Variants in TDP2 observed in about 807,000 individuals in gnomAD.
TDP2 encodes 5'-Tyr-DNA phosphodiesterase.
A neutral mutation model predicts 42.8 loss-of-function variants in TDP2; 38 were observed. That is an observed-to-expected ratio of 0.89 (90% CI 0.68 to 1.16). The LOEUF (loss-of-function observed/expected upper bound fraction) is 1.16. Among genes scored for constraint, TDP2 ranks in the 50% most tolerant of loss-of-function variants. The pLI is 0.00. For missense variants in TDP2, 439 were observed against 439.3 expected (o/e 1.00, Z 0.01); for synonymous variants, 173 against 150.6 (o/e 1.15, Z -1.09).
chr6:24,666,417 C>G, intron 2 of TDP2, 109 bp downstream of exon 2: 5 of 1,443,442 alleles, frequency 3.5e-6, no homozygotes, highest in East Asian at 2.3e-5. Flanking sequence ...GCTTGGAGAT[C>G]TGCCTCAGCA....
At chr6:24,658,148 A>G (rs1778085950) in intron 3 of TDP2, among the ~76,000 whole-genome samples, 1 of 152,226 alleles carries the variant, frequency 6.6e-6, no homozygotes, top group South Asian at 2.1e-4. Flanking sequence ...CCATATTGAG[A>G]GACTTCAATG....
chr6:24,665,248 T>C (rs1295615136), intron 2 of TDP2, among the ~76,000 whole-genome samples: 2 of 152,224 alleles, frequency 1.3e-5, no homozygotes, highest in Non-Finnish European at 2.9e-5. Flanking sequence ...TAAGTTAACA[T>C]GTTACAGTTC....
chr6:24,666,623 A>G lies in TDP2; in HGVS notation c.166-12T>C, dbSNP rs1410321671. The G allele has an allele frequency of 5.6e-6, 9 of 1,614,102 alleles. No homozygotes were observed. The highest frequency in any genetic ancestry group is 7.6e-6 in the Non-Finnish European group (9 of 1,180,034). On this transcript the variant is annotated splice_polypyrimidine_tract_variant and intron_variant, in intron 1 of 6. Transcript: ENST00000378198. ...GAGTTCAGAGCCCTCTGAAAAACAA[A>G]GGCACAAGGGATGAGGTTTGTGCGC... is the stretch of plus-strand genomic sequence containing the variant.
intron 3 of TDP2, 40 bp from the exon 4 acceptor site, chr6:24,657,943 C>T: frequency 7.3e-7 from 1 of 1,361,892 alleles, no homozygotes; most frequent in Admixed American, 2.3e-5. Flanking sequence ...ACCAAGTATA[C>T]CATTTCATTT....
intron 2 of TDP2, among the ~76,000 whole-genome samples, chr6:24,662,740 C>T (rs993971111): frequency 2.0e-5 from 3 of 152,192 alleles, no homozygotes; most frequent in Admixed American, 6.5e-5. Flanking sequence ...CTCAGTCTCT[C>T]GTCCCACCTG....
In TDP2 at chr6:24,657,853, C is replaced by T. The variant is rs1778081214; in HGVS notation, c.476G>A (p.Ser159Asn). The T allele has an allele frequency of 6.3e-7, 1 of 1,584,992 alleles. No individual in the cohort carries two copies. The highest frequency in any genetic ancestry group is 1.8e-5 in the Admixed American group (1 of 54,078). ...FLQEVIPPYY[S>N]YLKKRSSNYE... is the part of the protein sequence containing the mutation. ...ATTACTTGATCTCTTCTTTAGGTAG[C>T]TATAATATGGGGGAATAACTTCCTG... is the stretch of plus-strand genomic sequence containing the variant. The change falls in exon 4 of 7, where the codon AGC (serine) becomes AAC (asparagine). Residue 159 changes from serine (S) to asparagine (N), a missense_variant. Transcript: ENST00000378198.
rs1260801050 is a variant in TDP2, at chr6:24,654,518, CCTT to C, written c.527_529del (p.Glu176del). 2 of 1,516,220 alleles carry C rather than the reference CCTT, an allele frequency of 1.3e-6. No individual in the cohort carries two copies. The highest frequency in any genetic ancestry group is 1.8e-6 in the Non-Finnish European group (2 of 1,101,502). The allele number at this position is 1,516,220 out of a possible 1,614,324, so 93.9% of individuals were successfully genotyped here. On this transcript the variant is annotated inframe_deletion, in exon 5 of 7. Coordinates refer to ENST00000378198, the MANE Select transcript of TDP2 (RefSeq NM_016614.3). Reference sequence around the variant, plus strand: ...CTTCAACATTATAGCTGTGAAATATCCTTCTTCATGACCTACAAATGTTTGTGG... The same window carrying C: ...CTTCAACATTATAGCTGTGAAATATCCTTCATGACCTACAAATGTTTGTGG...
chr6:24,658,900 A>G, intron 2 of TDP2, 166 bp from the exon 3 acceptor site: 1 of 668,136 alleles, frequency 1.5e-6, no homozygotes, highest in Non-Finnish European at 2.5e-6. Flanking sequence ...CTAGACAGAA[A>G]TATAATTGAG....
intron 4 of TDP2, 115 bp from the exon 5 acceptor site, chr6:24,654,645 G>A: frequency 1.6e-6 from 1 of 620,478 alleles, no homozygotes. Context: ...TATTTACATG[G>A]ATCTAAATCT....
In TDP2 at chr6:24,657,960, A is replaced by G. The variant is rs1350221877; in HGVS notation, c.426-57T>C. On this transcript the variant is annotated intron_variant, in intron 3 of 6. Transcript: ENST00000378198. ...CAAGTATACCATTTCATTTTCAGCTACCTAAATGAAGGAAATCCCACAACA... is the reference window on the plus strand; with the variant it reads ...CAAGTATACCATTTCATTTTCAGCTGCCTAAATGAAGGAAATCCCACAACA... 25 of 1,237,918 alleles carry G rather than the reference A, an allele frequency of 2.0e-5. No individual in the cohort carries two copies. In the Admixed American group the frequency reaches 4.6e-4, roughly 23 times the overall value. 76.7% of individuals were successfully genotyped at this position (1,237,918 alleles called of 1,614,324 possible).
intron 3 of TDP2, 150 bp downstream of exon 3, chr6:24,658,411 G>T: frequency 1.7e-6 from 1 of 586,898 alleles, no homozygotes; most frequent in Non-Finnish European, 2.7e-6. Context: ...CTGCAATCCT[G>T]CTCTCAGAGG....
At chr6:24,659,413 GGT>G (rs1383751948) in intron 2 of TDP2, among the ~76,000 whole-genome samples, 4 of 152,264 alleles carry the variant, frequency 2.6e-5, no homozygotes, top group East Asian at 1.9e-4. Flanking sequence ...ACTTCCTGAG[GGT>G]GTGTCATGGG....
intron 2 of TDP2, among the ~76,000 whole-genome samples, chr6:24,662,187 T>A (rs1036654327): frequency 2.6e-5 from 4 of 151,838 alleles, no homozygotes; most frequent in Non-Finnish European, 4.4e-5. Context: ...CCTGAGATAA[T>A]GGCCTCATGA....
intron 2 of TDP2, 145 bp downstream of exon 2, chr6:24,666,381 G>C (rs926857927): frequency 2.2e-5 from 31 of 1,401,966 alleles, no homozygotes; most frequent in Non-Finnish European, 3.1e-5. Context: ...CAGCAGCAAC[G>C]CAAGCCCTGC....
chr6:24,665,733 G>GT (rs1562151370), intron 2 of TDP2, among the ~76,000 whole-genome samples: 1 of 152,160 alleles, frequency 6.6e-6, no homozygotes, highest in African/African-American at 2.4e-5. Context: ...CTAAGGTATT[G>GT]TAACAGGGGT....
At chr6:24,665,884 C>G (rs1399068584) in intron 2 of TDP2, 1 of 441,488 alleles carries the variant, frequency 2.3e-6, no homozygotes, top group Non-Finnish European at 3.8e-6. Context: ...GAAAAAAATT[C>G]CAGGCACAGG....
intron 4 of TDP2, 45 bp downstream of exon 4, chr6:24,657,767 T>A (rs1778079922): frequency 4.4e-6 from 5 of 1,127,794 alleles, no homozygotes; most frequent in Admixed American, 2.3e-5. Context: ...CTTTCACTGA[T>A]CTGTTTTTCA....
At chr6:24,655,290 C>T (rs564608157) in intron 4 of TDP2, among the ~76,000 whole-genome samples, 2 of 152,338 alleles carry the variant, frequency 1.3e-5, no homozygotes, top group East Asian at 3.9e-4. Context: ...TGAATGAAAG[C>T]TTCCAACAGT....
chr6:24,666,638 G>A lies in TDP2; in HGVS notation c.166-27C>T, dbSNP rs1778248187. 3 of 1,613,944 alleles carry A rather than the reference G, an allele frequency of 1.9e-6. No homozygotes were observed. The African/African-American group carries it at 4.0e-5, about 22-fold the overall frequency. On this transcript the variant is annotated intron_variant, in intron 1 of 6. Coordinates refer to ENST00000378198, the MANE Select transcript of TDP2 (RefSeq NM_016614.3). ...TGAAAAACAAAGGCACAAGGGATGA[G>A]GTTTGTGCGCTCCACCGACCTAGGT... is the stretch of plus-strand genomic sequence containing the variant.
Sources: allele counts gnomAD v4.1 joint callset (sites outside exome capture counted in the v4.1 genomes callset), GRCh38; gene constraint gnomAD v4.1.1; transcripts MANE v1.5; gene names NCBI Gene and HGNC (gene_info 2026-07-23, HGNC 2026-07-21).